Variants in CILP observed in about 807,000 individuals in gnomAD.
CILP encodes cartilage intermediate layer protein.
In CILP, 75 loss-of-function variants were observed where a neutral mutation model predicts 82.5. The ratio of observed to expected loss-of-function variants is 0.91; its 90% CI spans 0.75 to 1.10. The LOEUF (loss-of-function observed/expected upper bound fraction) is 1.10. Among genes scored for constraint, CILP ranks in the 50% least tolerant of loss-of-function variants. The pLI is 0.00. For synonymous variants in CILP, 530 were observed against 580.3 expected (o/e 0.91, Z 1.25); for missense variants, 1,479 against 1,530.8 (o/e 0.97, Z 0.56).
intron 2 of CILP, among the ~76,000 whole-genome samples, chr15:65,208,992 C>A (rs1324380795): frequency 7.9e-6 from 1 of 127,218 alleles, no homozygotes; most frequent in Non-Finnish European, 1.6e-5. Context: ...AGGCATACAG[C>A]TTTAAAGGAG....
In CILP at chr15:65,204,451, G is replaced by A; in HGVS notation, c.736C>T (p.Leu246=). Residue 246 remains leucine (L), a synonymous_variant, in exon 6 of 9, where the codon CTG becomes TTG. Transcript: ENST00000261883. The part of the protein sequence containing the change: ...APASGAAIYL[L]TKTPKLLTQT... ...GTCAGCAGCTTCGGCGTCTTGGTCAGGAGGTAGATAGCAGCCCCTGAGGCT... is the reference window on the plus strand; with the variant it reads ...GTCAGCAGCTTCGGCGTCTTGGTCAAGAGGTAGATAGCAGCCCCTGAGGCT... 1 of 1,614,184 alleles carries A rather than the reference G, an allele frequency of 6.2e-7. No homozygotes were observed. Among genetic ancestry groups the A allele is most frequent in the African/African-American group, 1.3e-5 (1 of 75,068 alleles).
chr15:65,198,685 G>C lies in CILP; in HGVS notation c.1601C>G (p.Thr534Ser), dbSNP rs1223324795. The change falls in exon 9 of 9, where the codon ACT becomes AGT. Residue 534 changes from threonine to serine, a missense_variant. Thr to Ser is a moderately conservative substitution (Grantham distance 58, BLOSUM62 1). Coordinates refer to ENST00000261883, the MANE Select transcript of CILP (RefSeq NM_003613.4). ...GTFTLHVPQD[T>S]ERLVLTFVDR... is the part of the protein sequence containing the mutation. ...CACAAATGTGAGCACCAGCCTCTCA[G>C]TGTCCTGGGGGACATGGAGGGTGAA... 1 of 1,614,220 alleles carries C rather than the reference G, an allele frequency of 6.2e-7. No homozygotes were observed. The highest frequency in any genetic ancestry group is 8.5e-7 in the Non-Finnish European group (1 of 1,180,054).
chr15:65,208,375 T>C (rs1212499428), intron 2 of CILP, among the ~76,000 whole-genome samples: 2 of 152,196 alleles, frequency 1.3e-5, no homozygotes, highest in Non-Finnish European at 2.9e-5. Context: ...TCTTTCATCA[T>C]AAAATAAGGA....
intron 6 of CILP, among the ~76,000 whole-genome samples, chr15:65,203,803 C>T (rs147628725): frequency 7.3e-4 from 111 of 152,356 alleles, no homozygotes; most frequent in African/African-American, 2.6e-3. Flanking sequence ...TGTTCTGCTG[C>T]CCCTGGCAGA....
intron 3 of CILP, 86 bp from the exon 4 acceptor site, chr15:65,207,137 T>G: frequency 7.0e-7 from 1 of 1,426,396 alleles, no homozygotes; most frequent in Non-Finnish European, 9.4e-7. Context: ...CCAGCTGGCC[T>G]CAGGCCCTAT....
At position 65,204,384 on chromosome 15, in the gene CILP, C is replaced by A. The variant is rs147353521; in HGVS notation, c.803G>T (p.Cys268Phe). The A allele has an allele frequency of 1.9e-6, 3 of 1,614,094 alleles. No individual in the cohort carries two copies. In the African/African-American group the frequency reaches 4.0e-5, roughly 22 times the overall value. ...CTTCAGGATGCTTTTGCCATCAGGG[C>A]ACAAGCCAGGGATTCGGAATCTCCC... ...SDGRFRIPGL[C>F]PDGKSILKIT... Residue 268 changes from cysteine (C) to phenylalanine (F), a missense_variant, in exon 6 of 9, where the codon TGC becomes TTC. Cys to Phe is a radical substitution (Grantham distance 205). Transcript: ENST00000261883.
rs2140669709 is a variant in CILP, at chr15:65,197,124, G to A, written c.3162C>T (p.Val1054=). Residue 1054 remains valine, a synonymous_variant, in exon 9 of 9, where the codon GTC becomes GTT. Coordinates refer to ENST00000261883, the MANE Select transcript of CILP (RefSeq NM_003613.4). ...EYLVNHLPLA[V]NNDTSEYTML... is the part of the protein sequence containing the mutation. ...TGGTGTACTCACTGGTGTCGTTGTT[G>A]ACTGCAAGTGGCAAGTGGTTGACCA... 6.2e-7 allele frequency: 1 copy of A among 1,613,942 alleles called. No individual in the cohort carries two copies. The highest frequency in any genetic ancestry group is 8.5e-7 in the Non-Finnish European group (1 of 1,179,906).
chr15:65,203,585 C>A, intron 6 of CILP, 115 bp from the exon 7 acceptor site: 1 of 698,876 alleles, frequency 1.4e-6, no homozygotes, highest in Non-Finnish European at 2.5e-6. Context: ...AGGCTTCACC[C>A]CTACCCCCAG....
intron 2 of CILP, among the ~76,000 whole-genome samples, chr15:65,208,587 G>A (rs1440422835): frequency 6.6e-6 from 1 of 152,136 alleles, no homozygotes; most frequent in Non-Finnish European, 1.5e-5. Flanking sequence ...TTGGGGCAGC[G>A]GTCCTCAATT....
chr15:65,199,267 C>A (rs960306635), intron 8 of CILP, among the ~76,000 whole-genome samples, 168 bp from the exon 9 acceptor site: 10 of 152,198 alleles, frequency 6.6e-5, no homozygotes, highest in Admixed American at 6.5e-4. Context: ...TTACTGATCC[C>A]ATTTTATATA....
chr15:65,210,794 G>T (rs1020133128), intron 1 of CILP, among the ~76,000 whole-genome samples: 2 of 152,154 alleles, frequency 1.3e-5, no homozygotes, highest in Admixed American at 1.3e-4. Context: ...CCAGTCCCAT[G>T]CTGCAGACCT....
chr15:65,202,548 C>T (rs1201637681), intron 7 of CILP, among the ~76,000 whole-genome samples: 1 of 152,014 alleles, frequency 6.6e-6, no homozygotes, highest in African/African-American at 2.4e-5. Context: ...CTGCCTTAGC[C>T]TCTCGAGTAG....
chr15:65,198,074 C>T lies in CILP; in HGVS notation c.2212G>A (p.Glu738Lys). Residue 738 changes from glutamate to lysine, a missense_variant, in exon 9 of 9, where the codon GAG becomes AAG. Transcript: ENST00000261883. The stretch of plus-strand genomic sequence containing the variant: ...ACATCCAGGTTAAAGAGCCTCCTCT[C>T]ACGAATCTCCAGGTTGCCCACCAGG... Reference protein sequence around the residue: ...TFLVGNLEIRERRLFNLDVPE... With the variant: ...TFLVGNLEIRKRRLFNLDVPE... 6.2e-7 allele frequency: 1 copy of T among 1,614,248 alleles called. No homozygotes were observed. The highest frequency in any genetic ancestry group is 8.5e-7 in the Non-Finnish European group (1 of 1,180,044).
Position 65,198,080 on chromosome 15 carries a change from T to C in CILP, c.2206A>G (p.Ile736Val), listed in dbSNP as rs1555415603. 2 of 1,614,092 alleles carry C rather than the reference T, an allele frequency of 1.2e-6. No individual in the cohort carries two copies. The highest frequency in any genetic ancestry group is 1.7e-6 in the Non-Finnish European group (2 of 1,180,036). The stretch of plus-strand genomic sequence containing the variant: ...AGGTTAAAGAGCCTCCTCTCACGAA[T>C]CTCCAGGTTGCCCACCAGGAAGGTT... ...DRTFLVGNLEIRERRLFNLDV... is the reference protein window; with the variant it reads ...DRTFLVGNLEVRERRLFNLDV... Residue 736 changes from isoleucine (I) to valine (V), a missense_variant, in exon 9 of 9, where the codon ATT becomes GTT. Physicochemically the swap from Ile to Val is conservative, Grantham distance 29 (BLOSUM62 3). Coordinates refer to ENST00000261883, the MANE Select transcript of CILP (RefSeq NM_003613.4).
chr15:65,196,508 T>A lies in CILP; in HGVS notation c.*223A>T. The A allele has an allele frequency of 2.3e-6, 1 of 436,200 alleles. No individual in the cohort carries two copies. Among genetic ancestry groups the A allele is most frequent in the Non-Finnish European group, 4.0e-6 (1 of 248,508 alleles). The allele number at this position is 436,200 out of a possible 1,614,324, so 27.0% of individuals were successfully genotyped here. On this transcript the variant is annotated 3_prime_UTR_variant, in exon 9 of 9. Coordinates refer to ENST00000261883, the MANE Select transcript of CILP (RefSeq NM_003613.4). Reference sequence around the variant, plus strand: ...AGTTTTACCAGTGGCCAATTTCTTGTGTTTCATTTAAAGAACAGTTTCACA... The same window carrying A: ...AGTTTTACCAGTGGCCAATTTCTTGAGTTTCATTTAAAGAACAGTTTCACA...
chr15:65,205,464 A>T lies in CILP; in HGVS notation c.427T>A (p.Ser143Thr), dbSNP rs1227583870. Residue 143 changes from serine (S) to threonine (T), a missense_variant and splice_region_variant, in exon 5 of 9, where the codon TCC becomes ACC. Transcript: ENST00000261883. ...YTVRFLCPPG[S>T]LRRDTERIWS... ...ATGCGCTCTGTGTCTCGGCGCAGGG[A>T]TCCTGCAAAGTGAGATCAGCAGACG... 1.2e-6 allele frequency: 2 copies of T among 1,604,984 alleles called. No homozygotes were observed. The highest frequency in any genetic ancestry group is 1.7e-5 in the Admixed American group (1 of 59,702).
At chr15:65,209,032 T>TTTTTTC (rs2088555823) in intron 2 of CILP, among the ~76,000 whole-genome samples, 1 of 145,738 alleles carries the variant, frequency 6.9e-6, no homozygotes, top group African/African-American at 2.6e-5. Flanking sequence ...TTTTTTTTTT[T>TTTTTTC]TTTTGCTTTT....
intron 2 of CILP, among the ~76,000 whole-genome samples, chr15:65,208,944 C>G (rs1452692933): frequency 6.7e-6 from 1 of 149,762 alleles, no homozygotes; most frequent in African/African-American, 2.5e-5. Context: ...CAGGCTGAGA[C>G]AGCCTTTGTT....
intron 8 of CILP, 104 bp from the exon 9 acceptor site, chr15:65,199,203 T>G: frequency 1.4e-6 from 1 of 738,706 alleles, no homozygotes; most frequent in East Asian, 2.7e-5. Flanking sequence ...TCAAAGGACT[T>G]GTATATCCAT....
Sources: allele counts gnomAD v4.1 joint callset (sites outside exome capture counted in the v4.1 genomes callset), GRCh38; gene constraint gnomAD v4.1.1; transcripts MANE v1.5; gene names NCBI Gene and HGNC (gene_info 2026-07-23, HGNC 2026-07-21).